The following SIPA1L3 variants were observed in gnomAD, a reference collection of about 807,000 sequenced individuals.
SIPA1L3 encodes the protein signal-induced proliferation-associated 1-like protein 3.
Under a neutral mutation model 150.1 loss-of-function variants are expected in SIPA1L3, and 59 were observed. The observed-to-expected ratio is 0.39, with a 90% CI of 0.32 to 0.49. The LOEUF (loss-of-function observed/expected upper bound fraction) is 0.49. SIPA1L3 is among the 20% of genes least tolerant of loss of function. The pLI, the probability that SIPA1L3 is intolerant of heterozygous loss-of-function variation, is 0.86. For missense variants in SIPA1L3, 2,211 were observed against 2,489.5 expected (o/e 0.89, Z 2.38); for synonymous variants, 1,070 against 1,077.6 (o/e 0.99, Z 0.14).
intron 1 of SIPA1L3, among the ~76,000 whole-genome samples, chr19:37,936,959 A>C (rs1412991892): frequency 3.3e-5 from 5 of 152,160 alleles, no homozygotes; most frequent in African/African-American, 1.2e-4. Context: ...TAAATGCATT[A>C]ATTTTTAAAA....
At chr19:38,161,050 A>C (rs1972072323) in intron 13 of SIPA1L3, among the ~76,000 whole-genome samples, 1 of 152,112 alleles carries the variant, frequency 6.6e-6, no homozygotes, top group African/African-American at 2.4e-5. Context: ...TTTGTTTTTT[A>C]AAAAAGTTGT....
At chr19:38,187,769 G>A (rs944988064) in intron 16 of SIPA1L3, among the ~76,000 whole-genome samples, 7 of 149,336 alleles carry the variant, frequency 4.7e-5, no homozygotes, top group African/African-American at 1.2e-4. Context: ...TTTTCAAGGC[G>A]AGTGGATCAC....
In SIPA1L3 at chr19:38,081,088, A is replaced by G. The variant is rs1725512; in HGVS notation, c.-310-168A>G. On this transcript the variant is annotated intron_variant, in intron 2 of 21. Coordinates refer to ENST00000222345, the MANE Select transcript of SIPA1L3 (RefSeq NM_015073.3). ...ATGGAAAATAGTTAGTGGTTGTTGG[A>G]GCTGATGGGTGACTCAGTCTCCTCT... Among the ~76,000 whole-genome samples the G allele has an allele frequency of 0.16, 24,466 of 152,066 alleles. 2,103 individuals carry two copies. The highest frequency in any genetic ancestry group is 0.22 in the African/African-American group (8,975 of 41,482).
chr19:38,172,551 C>G (rs1422496963), intron 15 of SIPA1L3, among the ~76,000 whole-genome samples: 1 of 152,050 alleles, frequency 6.6e-6, no homozygotes, highest in Non-Finnish European at 1.5e-5. Flanking sequence ...TTGTAGGAAG[C>G]CAGGGTGAGA....
chr19:37,993,742 C>T lies in SIPA1L3; in HGVS notation c.-378-35347C>T, dbSNP rs1599877358. On this transcript the variant is annotated intron_variant, in intron 1 of 21. Coordinates refer to ENST00000222345, the MANE Select transcript of SIPA1L3 (RefSeq NM_015073.3). ...TGTGAAGGAGGGGCCAGGAGCGTGTCGACCAGGTGTGATGTTGTCTTGCCA... is the reference window on the plus strand; with the variant it reads ...TGTGAAGGAGGGGCCAGGAGCGTGTTGACCAGGTGTGATGTTGTCTTGCCA... Among the ~76,000 whole-genome samples, 4 of 152,086 alleles carry T rather than the reference C, an allele frequency of 2.6e-5. No homozygotes were observed. The East Asian group carries it at 5.8e-4, about 22-fold the overall frequency.
chr19:38,094,239 G>A (rs1358305283), intron 4 of SIPA1L3, among the ~76,000 whole-genome samples: 6 of 152,102 alleles, frequency 3.9e-5, no homozygotes, highest in Admixed American at 1.3e-4. Context: ...CTGTGTGTGT[G>A]TCTGTGTGTA....
intron 2 of SIPA1L3, among the ~76,000 whole-genome samples, chr19:38,045,719 G>C (rs1427989020): frequency 1.3e-5 from 2 of 152,160 alleles, no homozygotes; most frequent in Non-Finnish European, 2.9e-5. Flanking sequence ...CGACGGGGAG[G>C]ATGAACAGGA....
At chr19:37,965,360 G>C (rs1050640414) in intron 1 of SIPA1L3, among the ~76,000 whole-genome samples, 5 of 147,556 alleles carry the variant, frequency 3.4e-5, no homozygotes, top group Non-Finnish European at 7.4e-5. Context: ...TCTGTTGGCA[G>C]GCTGGAGTGC....
In SIPA1L3 at chr19:38,193,691, T is replaced by A; in HGVS notation, c.4751T>A (p.Leu1584Gln). 6.3e-7 allele frequency: 1 copy of A among 1,574,972 alleles called. No individual in the cohort carries two copies. The change falls in exon 18 of 22, where the codon CTG becomes CAG. Residue 1584 changes from leucine (L) to glutamine (Q), a missense_variant. Leu to Gln is a moderately radical substitution (Grantham distance 113, BLOSUM62 -2). Transcript: ENST00000222345. ...TSTCAFPSSTLPARRQHQHPH... is the reference protein window; with the variant it reads ...TSTCAFPSSTQPARRQHQHPH... Reference sequence around the variant, plus strand: ...ACCTGCGCCTTCCCGTCCAGCACGCTGCCTGCACGCCGCCAGCACCAGCAC... The same window carrying A: ...ACCTGCGCCTTCCCGTCCAGCACGCAGCCTGCACGCCGCCAGCACCAGCAC...
At chr19:38,103,438 C>T (rs1970551954) in intron 6 of SIPA1L3, among the ~76,000 whole-genome samples, 1 of 151,864 alleles carries the variant, frequency 6.6e-6, no homozygotes, top group Admixed American at 6.6e-5. Context: ...ACCAGCCTGG[C>T]CAACGTAGTG....
intron 20 of SIPA1L3, among the ~76,000 whole-genome samples, chr19:38,202,301 A>G (rs1973105129): frequency 6.6e-6 from 1 of 152,158 alleles, no homozygotes; most frequent in African/African-American, 2.4e-5. Flanking sequence ...GAACACTGCT[A>G]AGCAGGCCGG....
At chr19:38,044,291 C>T (rs894092739) in intron 2 of SIPA1L3, among the ~76,000 whole-genome samples, 4 of 152,080 alleles carry the variant, frequency 2.6e-5, no homozygotes, top group African/African-American at 4.8e-5. Flanking sequence ...CAGTTGGATA[C>T]GCATACCTGA....
chr19:38,022,055 C>A (rs1157828362), intron 1 of SIPA1L3, among the ~76,000 whole-genome samples: 1 of 152,210 alleles, frequency 6.6e-6, no homozygotes, highest in African/African-American at 2.4e-5. Context: ...TAAGCTCATA[C>A]TCTTCACTGT....
At chr19:38,191,674 A>G (rs1247362749) in intron 16 of SIPA1L3, among the ~76,000 whole-genome samples, 2 of 152,048 alleles carry the variant, frequency 1.3e-5, no homozygotes, top group African/African-American at 4.8e-5. Flanking sequence ...TTAGCTGGGC[A>G]TGGTGGTGGG....
chr19:37,991,185 T>C (rs61524149), intron 1 of SIPA1L3, among the ~76,000 whole-genome samples: 1 of 152,236 alleles, frequency 6.6e-6, no homozygotes, highest in African/African-American at 2.4e-5. Flanking sequence ...TGAGCCGAGA[T>C]TGCGCCACTG....
intron 12 of SIPA1L3, among the ~76,000 whole-genome samples, chr19:38,143,031 A>G (rs1470217705): frequency 6.6e-6 from 1 of 152,184 alleles, no homozygotes; most frequent in East Asian, 1.9e-4. Context: ...CCCTAGGACC[A>G]GGCTGCCAGC....
chr19:38,092,240 A>G (rs1970276682), intron 4 of SIPA1L3, among the ~76,000 whole-genome samples: 1 of 152,096 alleles, frequency 6.6e-6, no homozygotes, highest in Non-Finnish European at 1.5e-5. Flanking sequence ...ATACCAGACT[A>G]TAGCATTAGG....
intron 1 of SIPA1L3, among the ~76,000 whole-genome samples, chr19:37,958,999 T>A (rs966955060): frequency 1.3e-5 from 2 of 152,214 alleles, no homozygotes; most frequent in African/African-American, 4.8e-5. Context: ...CCAACTAGGA[T>A]GGCTAGAGCC....
intron 1 of SIPA1L3, among the ~76,000 whole-genome samples, chr19:38,017,106 A>T (rs1968254136): frequency 6.6e-6 from 1 of 151,686 alleles, no homozygotes; most frequent in Non-Finnish European, 1.5e-5. Flanking sequence ...CATGTTGGCC[A>T]GGCTGGTCTT....
Sources: gnomAD v4.1 joint callset for allele counts (sites outside exome capture counted in the v4.1 genomes callset) on GRCh38, gnomAD v4.1.1 for gene constraint, MANE v1.5 for transcripts, NCBI Gene and HGNC (gene_info 2026-07-23, HGNC 2026-07-21) for gene names.